ABLIM2: variants seen among roughly 807,000 people sequenced by gnomAD.
The protein encoded by ABLIM2 is actin-binding LIM protein 2.
A neutral mutation model predicts 97.7 loss-of-function variants in ABLIM2; 53 were observed. The observed-to-expected ratio is 0.54, with a 90% CI of 0.44 to 0.68. The LOEUF is 0.68. Ranked by LOEUF, ABLIM2 falls within the 30% of genes least tolerant of loss-of-function variation. ABLIM2 has a pLI of 0.00. For missense variants in ABLIM2, 835 were observed against 867.2 expected, an observed-to-expected ratio of 0.96 and a Z score of 0.47; for synonymous variants, 361 against 345.8, an observed-to-expected ratio of 1.04 and a Z score of -0.49.
chr4:8,143,965 C>T (rs896590658), intron 1 of ABLIM2, among the ~76,000 whole-genome samples: 26 of 152,112 alleles, frequency 1.7e-4, no homozygotes, highest in South Asian at 2.1e-4. Context: ...AGGAAACTGG[C>T]GCTCGGAGGG....
intron 3 of ABLIM2, among the ~76,000 whole-genome samples, chr4:8,096,159 T>C (rs1049452839): frequency 1.3e-5 from 2 of 152,202 alleles, no homozygotes; most frequent in African/African-American, 4.8e-5. Context: ...ATCACAGGCC[T>C]CGCCTCGCTT....
At chr4:8,114,429 G>A (rs888575650) in intron 1 of ABLIM2, among the ~76,000 whole-genome samples, 2 of 152,166 alleles carry the variant, frequency 1.3e-5, no homozygotes, top group Non-Finnish European at 2.9e-5. Flanking sequence ...ACCCCCGCCC[G>A]TGCCTTACAG....
rs1178980342 is a variant in ABLIM2, at chr4:7,998,047, G to A, written c.1619-5120C>T. ...CAGGAATGTGCCACCATGCCCGGCT[G>A]ATTTTGTATTTTTAGTAGAGACGGG... On this transcript the variant is annotated intron_variant, in intron 16 of 20. Transcript: ENST00000447017. The surrounding 1 kb of genome is among the most constrained non-coding windows in gnomAD (Gnocchi z 6.4). 3.9e-5 allele frequency among the ~76,000 whole-genome samples: 6 copies of A among 151,904 alleles called. No individual in the cohort carries two copies. The highest frequency in any genetic ancestry group is 3.4e-3 in the Middle Eastern group (1 of 294).
In ABLIM2 at chr4:8,005,191, T is replaced by A; in HGVS notation, c.1618+2868A>T. 1 of 414,018 alleles carries A rather than the reference T, an allele frequency of 2.4e-6. No individual in the cohort carries two copies. The allele number at this position is 414,018 out of a possible 1,614,324, so 25.6% of individuals were successfully genotyped here. On this transcript the variant is annotated intron_variant, in intron 16 of 20. Coordinates refer to ENST00000447017, the MANE Select transcript of ABLIM2 (RefSeq NM_001130083.2). This position sits in a 1 kb window ranked among gnomAD's most constrained non-coding sequence, Gnocchi z 4.9. ...CGGGCAGGCGGCGGCGGGATGCGTG[T>A]GCGCTCGCTCTGTCGGCGTCTCTGC... is the stretch of plus-strand genomic sequence containing the variant.
rs1319358219 is a variant in ABLIM2 at position 8,069,443 on chromosome 4, C to G, written c.675+8185G>C. On this transcript the variant is annotated intron_variant, in intron 6 of 20. Transcript: ENST00000447017. This position sits in a 1 kb window ranked among gnomAD's most constrained non-coding sequence, Gnocchi z 4.2. The stretch of plus-strand genomic sequence containing the variant: ...AGTGATGAGCACATTGCCCGGGGAC[C>G]AGGGGACGCAAGGGAGGACACGACA... Among the ~76,000 whole-genome samples, 1 of 152,136 alleles carries G rather than the reference C, an allele frequency of 6.6e-6. No homozygotes were observed. The highest frequency in any genetic ancestry group is 1.5e-5 in the Non-Finnish European group (1 of 68,038).
At chr4:8,091,061 A>G (rs1202159159) in intron 3 of ABLIM2, among the ~76,000 whole-genome samples, 1 of 151,092 alleles carries the variant, frequency 6.6e-6, no homozygotes, top group Admixed American at 6.7e-5. Context: ...GCCGGTTTCC[A>G]TGGCCGTTGT....
At chr4:8,051,488 C>T (rs549008770) in intron 8 of ABLIM2, among the ~76,000 whole-genome samples, 117 of 144,046 alleles carry the variant, frequency 8.1e-4, no homozygotes, top group Middle Eastern at 3.8e-3. Context: ...ATCTGGGAAG[C>T]AGAGGTTGCA....
chr4:7,983,898 G>A (rs988119668), intron 18 of ABLIM2, among the ~76,000 whole-genome samples: 7 of 152,246 alleles, frequency 4.6e-5, no homozygotes, highest in Admixed American at 2.0e-4. Flanking sequence ...CCTGTACAGC[G>A]GGCATTTCAG....
Position 7,965,494 on chromosome 4 carries a change from C to G in ABLIM2, c.*1496G>C, listed in dbSNP as rs557978802. On this transcript the variant is annotated 3_prime_UTR_variant, in exon 21 of 21. Transcript: ENST00000447017. ...TAGCCGAGCTGGGCGGGTGAGAAGC[C>G]GAGTGCGAAACGGGACTTGGCGTGT... 1 of 152,660 alleles carries G rather than the reference C, an allele frequency of 6.6e-6. No homozygotes were observed. The highest frequency in any genetic ancestry group is 2.1e-4 in the South Asian group (1 of 4,828). The allele number at this position is 152,660 out of a possible 1,614,324, so 9.5% of individuals were successfully genotyped here.
At position 8,071,132 on chromosome 4, in the gene ABLIM2, T is replaced by C. The variant is rs563803938; in HGVS notation, c.675+6496A>G. Among the ~76,000 whole-genome samples, 29 of 151,092 alleles carry C rather than the reference T, an allele frequency of 1.9e-4. No individual in the cohort carries two copies. The South Asian group carries it at 5.6e-3, about 29-fold the overall frequency. ...CTGGTCACACCGCTGTCCCCGTGGA[T>C]TCGCCAGCTGAGTCCCAGCTCCCTC... is the stretch of plus-strand genomic sequence containing the variant. On this transcript the variant is annotated intron_variant, in intron 6 of 20. Coordinates refer to ENST00000447017, the MANE Select transcript of ABLIM2 (RefSeq NM_001130083.2). The surrounding 1 kb of genome is among the most constrained non-coding windows in gnomAD (Gnocchi z 6.2).
At position 7,992,878 on chromosome 4, in the gene ABLIM2, G is replaced by C. The variant is rs770733990; in HGVS notation, c.1668C>G (p.Gly556=). 6.2e-7 allele frequency: 1 copy of C among 1,612,946 alleles called. No individual in the cohort carries two copies. The highest frequency in any genetic ancestry group is 1.7e-5 in the Admixed American group (1 of 59,930). ...SDPLPGHGKN[G]LDQRNANLAP... The stretch of plus-strand genomic sequence containing the variant: ...GGTCAGTACCTACCCGCTGGTCCAA[G>C]CCATTCTTTCCATGTCCTGGGAGAG... The change falls in exon 17 of 21, where the codon GGC becomes GGG. Residue 556 remains glycine, a synonymous_variant. Coordinates refer to ENST00000447017, the MANE Select transcript of ABLIM2 (RefSeq NM_001130083.2). The surrounding 1 kb of genome is among the most constrained non-coding windows in gnomAD (Gnocchi z 5.7).
Position 8,158,787 on chromosome 4 carries a change from G to A in ABLIM2, c.-98C>T, listed in dbSNP as rs1716271758. On this transcript the variant is annotated 5_prime_UTR_variant, in exon 1 of 21. Coordinates refer to ENST00000447017, the MANE Select transcript of ABLIM2 (RefSeq NM_001130083.2). ...CCGCGCTATCCTCCGCCCGCCCGCCGGCTCCGCGCCCGCTCCTTGCGCACA... is the reference window on the plus strand; with the variant it reads ...CCGCGCTATCCTCCGCCCGCCCGCCAGCTCCGCGCCCGCTCCTTGCGCACA... 3.5e-6 allele frequency: 4 copies of A among 1,137,866 alleles called. No individual in the cohort carries two copies. The highest frequency in any genetic ancestry group is 3.2e-5 in the South Asian group (1 of 30,846). 70.5% of individuals were successfully genotyped at this position (1,137,866 alleles called of 1,614,324 possible). A position where few individuals can be genotyped will look rare whatever the true frequency, so the allele number is the denominator to read the frequency against.
chr4:8,156,740 G>A (rs1479848495), intron 1 of ABLIM2, among the ~76,000 whole-genome samples: 1 of 152,224 alleles, frequency 6.6e-6, no homozygotes, highest in Admixed American at 6.5e-5. Flanking sequence ...CAGGGGACCT[G>A]CCCTTGTTGC....
chr4:7,994,247 C>A (rs1320208938), intron 16 of ABLIM2, among the ~76,000 whole-genome samples: 2 of 29,326 alleles, frequency 6.8e-5, no homozygotes, highest in African/African-American at 1.7e-4. Flanking sequence ...ATCCCTCCCC[C>A]CTCCCCCGAC....
In ABLIM2 at chr4:8,061,118, G is replaced by T; in HGVS notation, c.676-64C>A. The T allele has an allele frequency of 7.2e-7, 1 of 1,394,418 alleles. No individual in the cohort carries two copies. The highest frequency in any genetic ancestry group is 9.9e-7 in the Non-Finnish European group (1 of 1,007,908). The allele number at this position is 1,394,418 out of a possible 1,614,324, so 86.4% of individuals were successfully genotyped here. ...CCAGAAAGGTCGGCTGGGTCCCAGC[G>T]CCCGGCATGGATACAGCATGCCCTG... On this transcript the variant is annotated intron_variant, in intron 6 of 20. Transcript: ENST00000447017. The surrounding 1 kb of genome is among the most constrained non-coding windows in gnomAD (Gnocchi z 4.5).
At position 7,986,032 on chromosome 4, in the gene ABLIM2, C is replaced by T. The variant is rs17180102; in HGVS notation, c.1681-1139G>A. 0.056 allele frequency among the ~76,000 whole-genome samples: 8,502 copies of T among 152,276 alleles called. 317 individuals are homozygous for T. Among genetic ancestry groups the T allele is most frequent in the Non-Finnish European group, 0.079 (5,393 of 68,016 alleles). ...CTGTTGCGGTTGTGCCTTGGCTGCC[C>T]GCGGTGGACGGAGCCTGTTGAAGAA... On this transcript the variant is annotated intron_variant, in intron 17 of 20. Coordinates refer to ENST00000447017, the MANE Select transcript of ABLIM2 (RefSeq NM_001130083.2). The surrounding 1 kb of genome is among the most constrained non-coding windows in gnomAD (Gnocchi z 4.3).
chr4:8,087,949 G>C lies in ABLIM2; in HGVS notation c.454+220C>G, dbSNP rs1029865444. 6.6e-6 allele frequency among the ~76,000 whole-genome samples: 1 copy of C among 151,528 alleles called. No individual in the cohort carries two copies. The highest frequency in any genetic ancestry group is 6.6e-5 in the Admixed American group (1 of 15,236). ...CCCCGTTTCTCAGGCTCTGTCCCTG[G>C]GCACTGCAGAGACCAAGCCCCCAAC... is the stretch of plus-strand genomic sequence containing the variant. On this transcript the variant is annotated intron_variant, in intron 4 of 20. Transcript: ENST00000447017. The surrounding 1 kb of genome is among the most constrained non-coding windows in gnomAD (Gnocchi z 4.6).
Position 7,966,930 on chromosome 4 carries a change from C to T in ABLIM2, c.*60G>A. On this transcript the variant is annotated 3_prime_UTR_variant, in exon 21 of 21. Transcript: ENST00000447017. ...GTGTGTGGGAGGGGTGTGTGCGGTT[C>T]TCGCCAGGGGCCCCTGGCCTCGGCG... The T allele has an allele frequency of 9.8e-7, 1 of 1,019,294 alleles. No homozygotes were observed. Among genetic ancestry groups the T allele is most frequent in the African/African-American group, 1.8e-5 (1 of 54,910 alleles). 63.1% of individuals were successfully genotyped at this position (1,019,294 alleles called of 1,614,324 possible).
chr4:8,157,788 C>G (rs1715870599), intron 1 of ABLIM2, among the ~76,000 whole-genome samples: 1 of 152,284 alleles, frequency 6.6e-6, no homozygotes, highest in African/African-American at 2.4e-5. Flanking sequence ...CCCGCCCCCC[C>G]TTCCTGAGCC....
Sources: gnomAD v4.1 joint callset for allele counts (sites outside exome capture counted in the v4.1 genomes callset) on GRCh38, gnomAD v4.1.1 for gene constraint, Gnocchi (gnomAD v3.1) non-coding constraint, MANE v1.5 for transcripts, NCBI Gene and HGNC (gene_info 2026-07-23, HGNC 2026-07-21) for gene names.